LIPE: variants seen among roughly 807,000 people sequenced by gnomAD.
The protein encoded by LIPE is lipase E, hormone sensitive type.
LIPE carries 66 observed loss-of-function variants against 88.5 expected under a neutral mutation model. The ratio of observed to expected loss-of-function variants is 0.75; its 90% CI spans 0.61 to 0.91. LIPE has a LOEUF of 0.91. Among genes scored for constraint, LIPE ranks in the 40% least tolerant of loss-of-function variants. LIPE has a pLI of 0.00. For synonymous variants in LIPE, 570 were observed against 617.5 expected (o/e 0.92, Z 1.14); for missense variants, 1,346 against 1,434.7 (o/e 0.94, Z 1.00).
rs562652988 is a variant in LIPE, at chr19:42,406,018, A to G, written c.2365+143T>C. The G allele has an allele frequency of 5.6e-4, 347 of 619,442 alleles. 8 individuals carry two copies. The South Asian group carries it at 6.4e-3, about 11-fold the overall frequency. 38.4% of individuals were successfully genotyped at this position (619,442 alleles called of 1,614,324 possible). A position where few individuals can be genotyped will look rare whatever the true frequency, so the allele number is the denominator to read the frequency against. ...CACACACACACACACACACACACACACGAAAAAAAAGGGACAAGGAGTCTT... is the reference window on the plus strand; with the variant it reads ...CACACACACACACACACACACACACGCGAAAAAAAAGGGACAAGGAGTCTT... On this transcript the variant is annotated intron_variant, in intron 7 of 9. Transcript: ENST00000244289. This position sits in a 1 kb window ranked among gnomAD's most constrained non-coding sequence, Gnocchi z 5.7.
At chr19:42,423,537 C>T (rs2040644265) in intron 1 of LIPE, 1 of 1,251,612 alleles carries the variant, frequency 8.0e-7, no homozygotes, top group South Asian at 1.3e-5. Context: ...CCAACTCCAT[C>T]AATTCCCCGC....
rs1470482812 is a variant in LIPE at position 42,414,278 on chromosome 19, AAAGGAAAGAAAGAAAGGAAAGG to A, written c.884-3458_884-3437del. On this transcript the variant is annotated intron_variant, in intron 1 of 9. Transcript: ENST00000244289. This position sits in a 1 kb window ranked among gnomAD's most constrained non-coding sequence, Gnocchi z 4.6. The stretch of plus-strand genomic sequence containing the variant: ...ATAAAGCGAGACTCTGTCAGAAAAG[AAAGGAAAGAAAGAAAGGAAAGG>A]AAGGAAAGAAAGAAAGGAAAGAAGA... 1.3e-5 allele frequency among the ~76,000 whole-genome samples: 2 copies of A among 152,106 alleles called. No individual in the cohort carries two copies. The highest frequency in any genetic ancestry group is 6.6e-5 in the Admixed American group (1 of 15,252).
At chr19:42,405,634 C>T (rs575158591) in intron 7 of LIPE, 73 bp from the exon 8 acceptor site, 73 of 1,440,644 alleles carry the variant, frequency 5.1e-5, no homozygotes, top group Admixed American at 1.8e-4. Context: ...GAACTTCAGG[C>T]ATCTGTGGTC....
rs1246159038 is a variant in LIPE at position 42,401,864 on chromosome 19, C to A, written c.3179G>T (p.Ser1060Ile). Reference protein sequence around the residue: ...VLTPPAGAGPSGETGAAGVDG... With the variant: ...VLTPPAGAGPIGETGAAGVDG... Reference sequence around the variant, plus strand: ...TACCCCCGCAGCCCCCGTCTCCCCGCTCGGCCCGGCTCCGGCGGGAGGAGT... The same window carrying A: ...TACCCCCGCAGCCCCCGTCTCCCCGATCGGCCCGGCTCCGGCGGGAGGAGT... Residue 1060 changes from serine (S) to isoleucine (I), a missense_variant, in exon 10 of 10, where the codon AGC becomes ATC. Transcript: ENST00000244289. 2 of 1,526,560 alleles carry A rather than the reference C, an allele frequency of 1.3e-6. No individual in the cohort carries two copies. Among genetic ancestry groups the A allele is most frequent in the Non-Finnish European group, 1.8e-6 (2 of 1,141,686 alleles). The allele number at this position is 1,526,560 out of a possible 1,614,324, so 94.6% of individuals were successfully genotyped here.
At chr19:42,416,474 C>T (rs541123719) in intron 1 of LIPE, among the ~76,000 whole-genome samples, 1 of 152,150 alleles carries the variant, frequency 6.6e-6, no homozygotes, top group Admixed American at 6.5e-5. Context: ...TAGATAAAAC[C>T]ACCAGGTATT....
At chr19:42,419,948 C>T (rs2040563202) in intron 1 of LIPE, among the ~76,000 whole-genome samples, 1 of 151,390 alleles carries the variant, frequency 6.6e-6, no homozygotes, top group Admixed American at 6.6e-5. Context: ...AGACTGGTCT[C>T]GAACTCCTGT....
At chr19:42,423,159 C>G (rs958191982) in intron 1 of LIPE, 1 of 300,554 alleles carries the variant, frequency 3.3e-6, no homozygotes, top group South Asian at 2.4e-5. Context: ...AGCGGGAACC[C>G]TGGTCCACGA....
At chr19:42,417,975 A>C (rs1600139524) in intron 1 of LIPE, among the ~76,000 whole-genome samples, 1 of 151,796 alleles carries the variant, frequency 6.6e-6, no homozygotes, top group Middle Eastern at 3.2e-3. Flanking sequence ...CTTTGACAGG[A>C]CTGACCCCCA....
At position 42,406,454 on chromosome 19, in the gene LIPE, G is replaced by T; in HGVS notation, c.2138-66C>A. On this transcript the variant is annotated intron_variant, in intron 6 of 9. Coordinates refer to ENST00000244289, the MANE Select transcript of LIPE (RefSeq NM_005357.4). This position sits in a 1 kb window ranked among gnomAD's most constrained non-coding sequence, Gnocchi z 5.7. Reference sequence around the variant, plus strand: ...GCAGAGGCCTGGGGAGGAGGGCAGGGAGGAACTCAAGCTGGGAGAACTGGG... The same window carrying T: ...GCAGAGGCCTGGGGAGGAGGGCAGGTAGGAACTCAAGCTGGGAGAACTGGG... 7.1e-7 allele frequency: 1 copy of T among 1,411,298 alleles called. No homozygotes were observed. The highest frequency in any genetic ancestry group is 9.9e-7 in the Non-Finnish European group (1 of 1,006,030). The allele number at this position is 1,411,298 out of a possible 1,614,324, so 87.4% of individuals were successfully genotyped here.
chr19:42,424,296 T>A (rs2040665032), intron 1 of LIPE: 1 of 464,684 alleles, frequency 2.2e-6, no homozygotes, highest in South Asian at 1.5e-5. Flanking sequence ...GAACGACGCA[T>A]GCTTGAGAAA....
chr19:42,402,590 C>T lies in LIPE; in HGVS notation c.2967+17G>A, dbSNP rs200083881. On this transcript the variant is annotated intron_variant, in intron 9 of 9. Coordinates refer to ENST00000244289, the MANE Select transcript of LIPE (RefSeq NM_005357.4). ...TCTTCTCTAAATGCACCTGTACCGG[C>T]CCCCTCTGTCGCTCACCACGATGTG... is the stretch of plus-strand genomic sequence containing the variant. The T allele has an allele frequency of 3.4e-6, 5 of 1,473,568 alleles. No individual in the cohort carries two copies. The highest frequency in any genetic ancestry group is 1.4e-5 in the African/African-American group (1 of 70,732). The allele number at this position is 1,473,568 out of a possible 1,614,324, so 91.3% of individuals were successfully genotyped here.
chr19:42,426,724 C>A lies in LIPE; in HGVS notation c.426G>T (p.Gly142=). The A allele has an allele frequency of 6.2e-7, 1 of 1,614,186 alleles. No individual in the cohort carries two copies. The highest frequency in any genetic ancestry group is 2.2e-5 in the East Asian group (1 of 44,880). ...GTTGAGCTGGAGGTGGCTCTCCTGG[C>A]CCAGGCCCTGGCTGGGCTACATGTC... The part of the protein sequence containing the change: ...RQRHVAQPGP[G]PGEPPPAQQE... The change falls in exon 1 of 10, where the codon GGG becomes GGT. Residue 142 remains glycine, a synonymous_variant. Transcript: ENST00000244289.
At chr19:42,423,188 T>C in intron 1 of LIPE, 3 of 298,306 alleles carry the variant, frequency 1.0e-5, no homozygotes, top group Non-Finnish European at 2.0e-5. Context: ...TTCCGGACTC[T>C]GCTCCCAAGC....
chr19:42,405,202 G>A (rs7255343), intron 8 of LIPE, among the ~76,000 whole-genome samples, 183 bp downstream of exon 8: 3,477 of 152,094 alleles, frequency 0.023, 131 homozygotes, highest in African/African-American at 0.076. Flanking sequence ...ACAGGGTTTC[G>A]TCATGTTGAC....
At chr19:42,413,094 T>C (rs1350421681) in intron 1 of LIPE, among the ~76,000 whole-genome samples, 2 of 152,236 alleles carry the variant, frequency 1.3e-5, no homozygotes, top group African/African-American at 2.4e-5. Flanking sequence ...ACCCATGTCA[T>C]TCACCCGTGT....
intron 7 of LIPE, 98 bp from the exon 8 acceptor site, chr19:42,405,659 A>G: frequency 1.7e-6 from 2 of 1,208,836 alleles, no homozygotes; most frequent in East Asian, 2.4e-5. Context: ...GGACCCGAGA[A>G]TATCCAATCG....
chr19:42,410,441 C>T lies in LIPE; in HGVS notation c.1285G>A (p.Ala429Thr), dbSNP rs371718921. The T allele has an allele frequency of 3.9e-5, 63 of 1,614,028 alleles. No individual in the cohort carries two copies. The highest frequency in any genetic ancestry group is 1.9e-4 in the African/African-American group (14 of 74,934). The change falls in exon 2 of 10, where the codon GCC (alanine) becomes ACC (threonine). Residue 429 changes from alanine (A) to threonine (T), a missense_variant. By Grantham distance (58) the Ala-to-Thr change is moderately conservative (BLOSUM62 0). Coordinates refer to ENST00000244289, the MANE Select transcript of LIPE (RefSeq NM_005357.4). The surrounding 1 kb of genome is among the most constrained non-coding windows in gnomAD (Gnocchi z 6.1). ...LTQLRALVYY[A>T]QRLLVTNRPG... is the part of the protein sequence containing the mutation. ...CGATTGGTAACCAGCAGGCGCTGGG[C>T]GTAGTAGACCAGAGCGCGGAGCTGG...
chr19:42,424,419 A>T (rs759318575), intron 1 of LIPE: 1 of 456,200 alleles, frequency 2.2e-6, no homozygotes. Context: ...CTGAAAGGCA[A>T]CCTCGCCCGC....
chr19:42,424,017 G>A, intron 1 of LIPE: 1 of 1,183,134 alleles, frequency 8.5e-7, no homozygotes, highest in Non-Finnish European at 1.1e-6. Context: ...GGTGGGGGCG[G>A]GCCAGGTCCT....
Sources: allele counts gnomAD v4.1 joint callset (sites outside exome capture counted in the v4.1 genomes callset), GRCh38; gene constraint gnomAD v4.1.1; non-coding constraint Gnocchi (gnomAD v3.1); transcripts MANE v1.5; gene names NCBI Gene and HGNC (gene_info 2026-07-23, HGNC 2026-07-21).